The following ZNF560 variants were observed in gnomAD, a reference collection of about 807,000 sequenced individuals.
ZNF560 encodes the protein zinc finger protein 560.
In ZNF560, 54 loss-of-function variants were observed where a neutral mutation model predicts 81.8. That is an observed-to-expected ratio of 0.66 (90% CI 0.53 to 0.83). The LOEUF is 0.83. Among genes scored for constraint, ZNF560 ranks in the 40% least tolerant of loss-of-function variants. ZNF560 has a pLI of 0.00. For missense variants in ZNF560, 940 were observed against 932.4 expected (o/e 1.01, Z -0.11); for synonymous variants, 321 against 317.9 (o/e 1.01, Z -0.10).
chr19:9,497,791 A>C (rs1268310396), intron 2 of ZNF560, among the ~76,000 whole-genome samples: 1 of 152,170 alleles, frequency 6.6e-6, no homozygotes, highest in Non-Finnish European at 1.5e-5. Flanking sequence ...CGATTATTCT[A>C]GTATTAGTGT....
In ZNF560 at chr19:9,473,345, C is replaced by T. The variant is rs987767586; in HGVS notation, c.158-86G>A. Reference sequence around the variant, plus strand: ...CCTGTAATCCCAGCACTTTGGGAGGCTGAAGTGGGTGGATTACCTGAAGTC... The same window carrying T: ...CCTGTAATCCCAGCACTTTGGGAGGTTGAAGTGGGTGGATTACCTGAAGTC... On this transcript the variant is annotated intron_variant, in intron 4 of 9. Coordinates refer to ENST00000301480, the MANE Select transcript of ZNF560 (RefSeq NM_152476.3). The T allele has an allele frequency of 2.2e-5, 22 of 980,310 alleles. No homozygotes were observed. The South Asian group carries it at 2.8e-4, about 13-fold the overall frequency. The allele number at this position is 980,310 out of a possible 1,614,324, so 60.7% of individuals were successfully genotyped here. A position where few individuals can be genotyped will look rare whatever the true frequency, so the allele number is the denominator to read the frequency against.
the ZNF560 span, among the ~76,000 whole-genome samples, chr19:9,454,954 C>T: frequency 6.6e-6 from 1 of 152,266 alleles, no homozygotes; most frequent in South Asian, 2.1e-4. Flanking sequence ...TCAGCACCTC[C>T]TCAATACCTT....
At chr19:9,457,245 A>T in the ZNF560 span, among the ~76,000 whole-genome samples, 1 of 152,220 alleles carries the variant, frequency 6.6e-6, no homozygotes, top group African/African-American at 2.4e-5. Flanking sequence ...TATATAACCT[A>T]TTGGGGCATT....
chr19:9,497,727 A>G (rs1000156887), intron 2 of ZNF560, among the ~76,000 whole-genome samples: 1 of 151,836 alleles, frequency 6.6e-6, no homozygotes, highest in African/African-American at 2.4e-5. Flanking sequence ...AGTTTTTTCG[A>G]AAAAAAATGC....
chr19:9,449,515 G>C, the ZNF560 span, among the ~76,000 whole-genome samples: 1 of 152,114 alleles, frequency 6.6e-6, no homozygotes, highest in Non-Finnish European at 1.5e-5. Flanking sequence ...TAAGAGAAAT[G>C]TTTAGAGTGC....
intron 5 of ZNF560, among the ~76,000 whole-genome samples, chr19:9,472,474 G>A (rs572810244): frequency 1.1e-4 from 17 of 152,220 alleles, no homozygotes; most frequent in African/African-American, 3.1e-4. Flanking sequence ...TCAGATCAGC[G>A]GCAGCACTTG....
At chr19:9,475,875 G>A (rs529990754) in intron 2 of ZNF560, among the ~76,000 whole-genome samples, 1 of 152,094 alleles carries the variant, frequency 6.6e-6, no homozygotes, top group Admixed American at 6.5e-5. Context: ...CAAAGTGCTG[G>A]GATTACAGGC....
chr19:9,466,396 T>G lies in ZNF560; in HGVS notation c.*178A>C. On this transcript the variant is annotated 3_prime_UTR_variant, in exon 10 of 10. Transcript: ENST00000301480. ...TAGTGTTTTCCTACATCCCTTACAT[T>G]TACAGGGTTTCTCTACAGTGTGAGT... The G allele has an allele frequency of 1.8e-6, 1 of 561,876 alleles. No homozygotes were observed. Among genetic ancestry groups the G allele is most frequent in the Non-Finnish European group, 3.0e-6 (1 of 329,976 alleles). The allele number at this position is 561,876 out of a possible 1,614,324, so 34.8% of individuals were successfully genotyped here. A position where few individuals can be genotyped will look rare whatever the true frequency, so the allele number is the denominator to read the frequency against.
the ZNF560 span, among the ~76,000 whole-genome samples, chr19:9,505,972 T>A: frequency 1.4e-5 from 2 of 147,038 alleles, no homozygotes; most frequent in Non-Finnish European, 3.0e-5. Flanking sequence ...CTTTCATTCA[T>A]ATTTACTTTC....
chr19:9,459,234 C>A, the ZNF560 span, among the ~76,000 whole-genome samples: 1 of 152,202 alleles, frequency 6.6e-6, no homozygotes, highest in Non-Finnish European at 1.5e-5. Flanking sequence ...ACACATGCAA[C>A]TAAATCTAGC....
At chr19:9,450,683 C>G in the ZNF560 span, among the ~76,000 whole-genome samples, 2 of 152,058 alleles carry the variant, frequency 1.3e-5, no homozygotes, top group Admixed American at 6.5e-5. Context: ...GCATGCAGCA[C>G]CATATCCAGA....
chr19:9,449,066 T>TC, the ZNF560 span, among the ~76,000 whole-genome samples: 2 of 152,194 alleles, frequency 1.3e-5, no homozygotes. Flanking sequence ...GTGGCAGACT[T>TC]CAACACCCCA....
intron 2 of ZNF560, among the ~76,000 whole-genome samples, chr19:9,491,731 C>T (rs1346250986): frequency 6.8e-6 from 1 of 147,280 alleles, no homozygotes; most frequent in African/African-American, 2.5e-5. Flanking sequence ...GAGGCTGAGA[C>T]AGGAGAATCG....
At chr19:9,502,115 C>T (rs1023157946), upstream of ZNF560, among the ~76,000 whole-genome samples, 15 of 151,590 alleles carry the variant, frequency 9.9e-5, no homozygotes, top group Non-Finnish European at 1.0e-4. Context: ...AATCATGCCA[C>T]TGCACTCCAG....
the ZNF560 span, among the ~76,000 whole-genome samples, chr19:9,447,133 C>CAAAAAAAAA: frequency 3.7e-5 from 3 of 80,858 alleles, no homozygotes; most frequent in African/African-American, 7.6e-5. Context: ...GACTCCGTCA[C>CAAAAAAAAA]AAAAAAAAAA....
At chr19:9,503,472 CTG>C (rs2073647973), upstream of ZNF560, among the ~76,000 whole-genome samples, 1 of 152,166 alleles carries the variant, frequency 6.6e-6, no homozygotes, top group African/African-American at 2.4e-5. Context: ...TGTCTTCTCA[CTG>C]TGTCTTCACA....
intron 9 of ZNF560, among the ~76,000 whole-genome samples, chr19:9,468,793 G>A (rs188428980): frequency 1.0e-4 from 15 of 148,006 alleles, no homozygotes; most frequent in Admixed American, 9.6e-4. Flanking sequence ...GCAGTGGCAC[G>A]ATCTCAGCTC....
At chr19:9,449,259 A>G in the ZNF560 span, among the ~76,000 whole-genome samples, 1 of 152,236 alleles carries the variant, frequency 6.6e-6, no homozygotes, top group African/African-American at 2.4e-5. Flanking sequence ...GCAAGTCTCA[A>G]TAAATTCATT....
rs150757089 is a variant in ZNF560 at position 9,469,611 on chromosome 19, G to T, written c.529+19C>A. 54 of 1,611,442 alleles carry T rather than the reference G, an allele frequency of 3.4e-5. No individual in the cohort carries two copies. In the East Asian group the frequency reaches 1.2e-3, roughly 35 times the overall value. ...TGAGAACTTCTCATGGACCAGGGTT[G>T]TTCTTCACAAACACTCACCTTGGAG... On this transcript the variant is annotated intron_variant, in intron 8 of 9. Transcript: ENST00000301480.
Sources: allele counts gnomAD v4.1 joint callset (sites outside exome capture counted in the v4.1 genomes callset), GRCh38; gene constraint gnomAD v4.1.1; transcripts MANE v1.5; gene names NCBI Gene and HGNC (gene_info 2026-07-23, HGNC 2026-07-21).